GNB1L: variants seen among roughly 807,000 people sequenced by gnomAD.
The protein encoded by GNB1L is guanine nucleotide-binding protein subunit beta-like protein 1.
A neutral mutation model predicts 29.1 loss-of-function variants in GNB1L; 20 were observed. The observed-to-expected ratio is 0.69, with a 90% CI of 0.48 to 1.00. The LOEUF (loss-of-function observed/expected upper bound fraction) is 1.00. GNB1L is among the 50% of genes least tolerant of loss of function. The pLI, the probability that GNB1L is intolerant of heterozygous loss-of-function variation, is 0.00. For synonymous variants in GNB1L, 193 were observed against 206.5 expected, an observed-to-expected ratio of 0.93 and a Z score of 0.56; for missense variants, 421 against 464.9, an observed-to-expected ratio of 0.91 and a Z score of 0.87.
Position 19,852,614 on chromosome 22 carries a change from C to T in GNB1L, c.-21+1829G>A, listed in dbSNP as rs148084730. The T allele has an allele frequency of 5.5e-3, 1,482 of 268,716 alleles. 3 individuals carry two copies. Among genetic ancestry groups the T allele is most frequent in the Non-Finnish European group, 8.5e-3 (1,216 of 142,662 alleles). 16.6% of individuals were successfully genotyped at this position (268,716 alleles called of 1,614,324 possible). A position where few individuals can be genotyped will look rare whatever the true frequency, so the allele number is the denominator to read the frequency against. On this transcript the variant is annotated intron_variant, in intron 2 of 7. Transcript: ENST00000329517. ...AGGAGCTTTGAATGGAAGGAGGGGC[C>T]CAGGGGGCTGGCCTGGGAGGTCTGA...
chr22:19,807,441 G>A (rs986228964), intron 5 of GNB1L, among the ~76,000 whole-genome samples: 11 of 152,168 alleles, frequency 7.2e-5, no homozygotes, highest in Admixed American at 5.2e-4. Context: ...CTCTGCCCTC[G>A]CTCTGGGAAC....
chr22:19,845,345 C>T lies in GNB1L; in HGVS notation c.-21+9098G>A, dbSNP rs546832556. On this transcript the variant is annotated intron_variant, in intron 2 of 7. Transcript: ENST00000329517. Reference sequence around the variant, plus strand: ...TGCAGGTGGACCCCTCACTGAGGGCCCCCCCTATGCACAGCCTGTGAATAA... The same window carrying T: ...TGCAGGTGGACCCCTCACTGAGGGCTCCCCCTATGCACAGCCTGTGAATAA... Among the ~76,000 whole-genome samples, 44 of 152,324 alleles carry T rather than the reference C, an allele frequency of 2.9e-4. No homozygotes were observed. The South Asian group carries it at 9.1e-3, about 32-fold the overall frequency.
At chr22:19,852,004 C>T (rs965857370) in intron 2 of GNB1L, 23 of 1,614,070 alleles carry the variant, frequency 1.4e-5, no homozygotes, top group Non-Finnish European at 1.8e-5. Context: ...GGGAGCTGGG[C>T]ATGTGCCCAG....
chr22:19,825,920 G>A (rs759759418), intron 2 of GNB1L, among the ~76,000 whole-genome samples: 3 of 151,560 alleles, frequency 2.0e-5, no homozygotes, highest in Non-Finnish European at 4.4e-5. Context: ...ATCACACCAC[G>A]GCACTCCAGC....
intron 2 of GNB1L, chr22:19,851,752 G>A: frequency 6.2e-7 from 1 of 1,609,770 alleles, no homozygotes; most frequent in Non-Finnish European, 8.5e-7. Flanking sequence ...CCTGGCAGAA[G>A]AGCTCGTAAT....
intron 2 of GNB1L, among the ~76,000 whole-genome samples, chr22:19,844,114 G>C (rs1937911011): frequency 6.6e-6 from 1 of 152,180 alleles, no homozygotes; most frequent in Non-Finnish European, 1.5e-5. Flanking sequence ...GTGGGGCCCA[G>C]CACGGTGCCT....
intron 5 of GNB1L, among the ~76,000 whole-genome samples, chr22:19,811,530 C>T (rs756987226): frequency 5.0e-4 from 76 of 152,158 alleles, no homozygotes; most frequent in Admixed American, 2.6e-4. Flanking sequence ...ACTATGACAC[C>T]CTCCCCGCAC....
chr22:19,806,047 G>A (rs890988657), intron 6 of GNB1L, among the ~76,000 whole-genome samples: 16 of 152,302 alleles, frequency 1.1e-4, no homozygotes, highest in Admixed American at 1.0e-3. Flanking sequence ...CTGCATGGAG[G>A]CAGCTGGCCC....
chr22:19,851,865 G>A (rs750569833), intron 2 of GNB1L: 2 of 1,613,972 alleles, frequency 1.2e-6, no homozygotes, highest in Non-Finnish European at 1.7e-6. Context: ...ATGTTGTCCT[G>A]ATAGTGCTCA....
intron 2 of GNB1L, among the ~76,000 whole-genome samples, chr22:19,839,341 G>T (rs368721258): frequency 6.6e-6 from 1 of 152,054 alleles, no homozygotes; most frequent in East Asian, 1.9e-4. Context: ...AGTATCTAGG[G>T]ATACTTTTCA....
Position 19,852,248 on chromosome 22 carries a change from C to G in GNB1L, c.-21+2195G>C, listed in dbSNP as rs747925044. On this transcript the variant is annotated intron_variant, in intron 2 of 7. Transcript: ENST00000329517. Reference sequence around the variant, plus strand: ...AATGCGAGGGCCCTGCTGACGGCACCGGCCACGAGGCATGCTGGGAGCACA... The same window carrying G: ...AATGCGAGGGCCCTGCTGACGGCACGGGCCACGAGGCATGCTGGGAGCACA... The G allele has an allele frequency of 5.0e-5, 80 of 1,605,652 alleles. No homozygotes were observed. In the Middle Eastern group the frequency reaches 6.6e-4, roughly 13 times the overall value.
intron 2 of GNB1L, chr22:19,847,942 C>T (rs888532933): frequency 2.0e-6 from 2 of 984,870 alleles, no homozygotes; most frequent in Non-Finnish European, 2.4e-6. Context: ...TCCAGAGGGC[C>T]AACTGCTTTT....
At chr22:19,801,042 G>A (rs1006123630) in intron 7 of GNB1L, among the ~76,000 whole-genome samples, 8 of 152,200 alleles carry the variant, frequency 5.3e-5, no homozygotes, top group South Asian at 2.1e-4. Flanking sequence ...GCCTCCTGTC[G>A]TACAGACAGC....
In GNB1L at chr22:19,821,282, G is replaced by C. The variant is rs116779791; in HGVS notation, c.74C>G (p.Ala25Gly). 1.9e-6 allele frequency: 3 copies of C among 1,613,398 alleles called. No individual in the cohort carries two copies. The highest frequency in any genetic ancestry group is 2.5e-6 in the Non-Finnish European group (3 of 1,179,826). The change falls in exon 3 of 8, where the codon GCG becomes GGG. Residue 25 changes from alanine to glycine, a missense_variant. By Grantham distance (60) the Ala-to-Gly change is moderately conservative. Transcript: ENST00000329517. ...CTGGGCTCCTTCGCAGAAGTGCAGC[G>C]CATGCACCGGTGACTGGGTGCCTCG... is the stretch of plus-strand genomic sequence containing the variant. ...VLRGTQSPVH[A>G]LHFCEGAQAQ...
chr22:19,851,400 C>T, intron 2 of GNB1L: 1 of 1,614,070 alleles, frequency 6.2e-7, no homozygotes, highest in South Asian at 1.1e-5. Context: ...TGGGAAGAGG[C>T]TGGTTCCACA....
chr22:19,842,219 A>C (rs1937874037), intron 2 of GNB1L, among the ~76,000 whole-genome samples: 1 of 152,264 alleles, frequency 6.6e-6, no homozygotes, highest in Non-Finnish European at 1.5e-5. Flanking sequence ...CTGATCTCCC[A>C]AAAAGCCTCA....
At chr22:19,810,228 G>C (rs1937483431) in intron 5 of GNB1L, among the ~76,000 whole-genome samples, 1 of 152,160 alleles carries the variant, frequency 6.6e-6, no homozygotes, top group Non-Finnish European at 1.5e-5. Context: ...TGCGGAGGAG[G>C]CAGGCACTGG....
chr22:19,792,406 AT>A, intron 7 of GNB1L: 1 of 1,505,888 alleles, frequency 6.6e-7, no homozygotes. Flanking sequence ...AGGCCTAAGA[AT>A]TTTGGCATCG....
intron 2 of GNB1L, among the ~76,000 whole-genome samples, chr22:19,835,020 C>T (rs985832335): frequency 6.6e-6 from 1 of 151,968 alleles, no homozygotes. Flanking sequence ...TTATCACGGA[C>T]AAGAAGAAGA....
Sources: allele counts gnomAD v4.1 joint callset (sites outside exome capture counted in the v4.1 genomes callset), GRCh38; gene constraint gnomAD v4.1.1; transcripts MANE v1.5; gene names NCBI Gene and HGNC (gene_info 2026-07-23, HGNC 2026-07-21).